Variants in DYTN observed in about 807,000 individuals in gnomAD.
DYTN encodes the protein dystrotelin.
In DYTN, 75 loss-of-function variants were observed where a neutral mutation model predicts 69.6. That is an observed-to-expected ratio of 1.08 (90% confidence interval 0.89 to 1.31). DYTN has a LOEUF of 1.31. Ranked by LOEUF, DYTN falls within the 50% of genes most tolerant of loss-of-function variation. The probability of loss-of-function intolerance (pLI) is 0.00; values close to 1 mark genes in which losing one functional copy is unlikely to be tolerated. For synonymous variants in DYTN, 252 were observed against 249.1 expected, an observed-to-expected ratio of 1.01 and a Z score of -0.11; for missense variants, 726 against 688.4, an observed-to-expected ratio of 1.05 and a Z score of -0.61.
intron 11 of DYTN, among the ~76,000 whole-genome samples, chr2:206,655,796 GT>G (rs1284184322): frequency 1.3e-5 from 2 of 151,908 alleles, no homozygotes; most frequent in Non-Finnish European, 2.9e-5. Context: ...ACATTTTTTA[GT>G]TTTCCTTCTG....
Position 206,702,406 on chromosome 2 carries a change from A to G in DYTN, c.484-2190T>C, listed in dbSNP as rs565277560. Among the ~76,000 whole-genome samples the G allele has an allele frequency of 7.9e-4, 121 of 152,372 alleles. 2 individuals carry two copies. The highest frequency in any genetic ancestry group is 2.8e-3 in the African/African-American group (116 of 41,586). ...CGAATAAACGTTCTTCTAATCAGGA[A>G]AGTGGCACTCAGAACCTCTTTGCTG... On this transcript the variant is annotated intron_variant, in intron 5 of 11. Transcript: ENST00000452335.
intron 9 of DYTN, among the ~76,000 whole-genome samples, chr2:206,689,266 A>G (rs1422692183): frequency 1.3e-5 from 2 of 152,250 alleles, no homozygotes; most frequent in African/African-American, 2.4e-5. Flanking sequence ...TTGCTGAATC[A>G]TTGAACGAAT....
At chr2:206,659,491 A>G (rs1449414659) in intron 11 of DYTN, among the ~76,000 whole-genome samples, 1 of 112,144 alleles carries the variant, frequency 8.9e-6, no homozygotes, top group Non-Finnish European at 1.9e-5. Context: ...TCTCAAAAAA[A>G]AAAAAAAAAA....
chr2:206,705,344 C>T (rs1182520095), intron 4 of DYTN, among the ~76,000 whole-genome samples: 4 of 152,172 alleles, frequency 2.6e-5, no homozygotes, highest in African/African-American at 4.8e-5. Context: ...GTGATCCGCC[C>T]GCCTCGACCT....
intron 9 of DYTN, 100 bp downstream of exon 9, chr2:206,693,075 T>A: frequency 3.5e-6 from 5 of 1,446,330 alleles, no homozygotes; most frequent in Non-Finnish European, 4.5e-6. Context: ...CTGCCTTGTC[T>A]AGGATCTTCA....
intron 9 of DYTN, among the ~76,000 whole-genome samples, chr2:206,669,983 A>T (rs1425206417): frequency 6.6e-6 from 1 of 152,242 alleles, no homozygotes; most frequent in Non-Finnish European, 1.5e-5. Flanking sequence ...CTCAGGGGAA[A>T]CTTCTTACTG....
chr2:206,673,849 G>T (rs1699653094), intron 9 of DYTN, among the ~76,000 whole-genome samples: 1 of 152,148 alleles, frequency 6.6e-6, no homozygotes, highest in Non-Finnish European at 1.5e-5. Flanking sequence ...ATTCTTTTGG[G>T]ACAACAGATT....
At chr2:206,693,626 AT>A (rs1189975174) in intron 8 of DYTN, among the ~76,000 whole-genome samples, 1 of 152,168 alleles carries the variant, frequency 6.6e-6, no homozygotes, top group African/African-American at 2.4e-5. Flanking sequence ...GGTTGCTCAC[AT>A]TTAGGGTTGT....
intron 9 of DYTN, among the ~76,000 whole-genome samples, chr2:206,690,980 G>C (rs142084042): frequency 2.6e-5 from 4 of 152,174 alleles, no homozygotes; most frequent in Non-Finnish European, 4.4e-5. Context: ...GCCTAAAAAC[G>C]ATGGGAAAAC....
intron 7 of DYTN, among the ~76,000 whole-genome samples, chr2:206,695,280 A>G (rs987399914): frequency 3.3e-5 from 5 of 152,254 alleles, no homozygotes; most frequent in Admixed American, 6.5e-5. Context: ...ATTTAAAAAT[A>G]GATTTCAATA....
chr2:206,693,681 A>G (rs1369884937), intron 8 of DYTN, among the ~76,000 whole-genome samples: 4 of 152,298 alleles, frequency 2.6e-5, no homozygotes, highest in African/African-American at 9.6e-5. Flanking sequence ...ATTTATTTCC[A>G]GCGAAATACT....
Position 206,665,940 on chromosome 2 carries a change from C to T in DYTN, c.1070G>A (p.Arg357Lys). Residue 357 changes from arginine to lysine, a missense_variant, in exon 10 of 12, where the codon AGG (arginine) becomes AAG (lysine). Arg to Lys is a conservative substitution (Grantham distance 26). Transcript: ENST00000452335. Reference protein sequence around the residue: ...QEERICRFETRIHKLKTNQDS... With the variant: ...QEERICRFETKIHKLKTNQDS... The stretch of plus-strand genomic sequence containing the variant: ...CTGGTTGGTTTTGAGTTTGTGAATC[C>T]TTGTTTCAAATCGACAAATTCTTTC... 1 of 1,613,798 alleles carries T rather than the reference C, an allele frequency of 6.2e-7. No homozygotes were observed. The highest frequency in any genetic ancestry group is 8.5e-7 in the Non-Finnish European group (1 of 1,179,796).
At chr2:206,672,923 A>T (rs973884958) in intron 9 of DYTN, among the ~76,000 whole-genome samples, 3 of 152,190 alleles carry the variant, frequency 2.0e-5, no homozygotes, top group African/African-American at 4.8e-5. Flanking sequence ...TTTCTTTTTT[A>T]AAAAAACTTG....
intron 9 of DYTN, among the ~76,000 whole-genome samples, chr2:206,689,798 A>G (rs564821801): frequency 6.6e-6 from 1 of 152,290 alleles, no homozygotes; most frequent in Non-Finnish European, 1.5e-5. Flanking sequence ...GCTACATTCT[A>G]AAAGAGCTCA....
intron 5 of DYTN, among the ~76,000 whole-genome samples, chr2:206,703,345 C>T (rs979434347): frequency 2.0e-5 from 3 of 152,182 alleles, no homozygotes; most frequent in Middle Eastern, 3.2e-3. Context: ...CAGGCCCCCA[C>T]CTGCTCGAGT....
At chr2:206,693,788 GA>G (rs1255176632) in intron 8 of DYTN, among the ~76,000 whole-genome samples, 1 of 152,178 alleles carries the variant, frequency 6.6e-6, no homozygotes, top group Non-Finnish European at 1.5e-5. Flanking sequence ...CAAATGCAAA[GA>G]AGGAATGAGA....
intron 1 of DYTN, among the ~76,000 whole-genome samples, chr2:206,714,334 C>T (rs1486110207): frequency 6.6e-6 from 1 of 152,216 alleles, no homozygotes; most frequent in Admixed American, 6.5e-5. Flanking sequence ...TCCCGAGTAG[C>T]TGGGATTACA....
chr2:206,651,912 G>A lies in DYTN; in HGVS notation c.1643C>T (p.Ser548Phe), dbSNP rs768386139. The A allele has an allele frequency of 3.7e-6, 6 of 1,612,806 alleles. No homozygotes were observed. In the Admixed American group the frequency reaches 1.0e-4, roughly 27 times the overall value. The change falls in exon 12 of 12, where the codon TCT becomes TTT. Residue 548 changes from serine to phenylalanine, a missense_variant. Transcript: ENST00000452335. ...FNLETPSGPESSVNMDLYSGA... is the reference protein window; with the variant it reads ...FNLETPSGPEFSVNMDLYSGA... ...ACTGTACAGGTCCATGTTTACTGAA[G>A]ACTCCGGGCCTGAAATCAACAAACA... is the stretch of plus-strand genomic sequence containing the variant.
intron 1 of DYTN, among the ~76,000 whole-genome samples, chr2:206,711,414 C>G (rs1700077282): frequency 6.6e-6 from 1 of 152,036 alleles, no homozygotes. Context: ...CTTCCTTTTT[C>G]CTTAAAAGTA....
Sources: allele counts gnomAD v4.1 joint callset (sites outside exome capture counted in the v4.1 genomes callset), GRCh38; gene constraint gnomAD v4.1.1; transcripts MANE v1.5; gene names NCBI Gene and HGNC (gene_info 2026-07-23, HGNC 2026-07-21).